FBXL17: variants seen among roughly 807,000 people sequenced by gnomAD.
FBXL17 encodes the protein F-box and leucine rich repeat protein 17.
In FBXL17, 22 loss-of-function variants were observed where a neutral mutation model predicts 66.2. That is an observed-to-expected ratio of 0.33 (90% CI 0.24 to 0.47). FBXL17 has a LOEUF of 0.47. Ranked by LOEUF, FBXL17 falls within the 20% of genes least tolerant of loss-of-function variation. FBXL17 has a pLI of 1.00. For missense variants in FBXL17, 878 were observed against 948.2 expected (o/e 0.93, Z 0.97); for synonymous variants, 474 against 400.5 (o/e 1.18, Z -2.19).
chr5:108,130,493 T>C (rs1181504608), intron 6 of FBXL17, among the ~76,000 whole-genome samples: 1 of 151,940 alleles, frequency 6.6e-6, no homozygotes, highest in Non-Finnish European at 1.5e-5. Flanking sequence ...TCAGTTTAAA[T>C]GAATAAAGAA....
intron 6 of FBXL17, among the ~76,000 whole-genome samples, chr5:108,075,259 T>C (rs903332112): frequency 6.6e-6 from 1 of 152,202 alleles, no homozygotes; most frequent in African/African-American, 2.4e-5. Context: ...TACAAAACCC[T>C]ATGGTAAATT....
chr5:108,272,247 C>T (rs1253993243), intron 4 of FBXL17, among the ~76,000 whole-genome samples: 5 of 151,852 alleles, frequency 3.3e-5, no homozygotes, highest in Admixed American at 2.0e-4. Flanking sequence ...CCCGAGATCG[C>T]GCCACCGCAC....
chr5:108,240,383 G>T (rs998880831), intron 4 of FBXL17, among the ~76,000 whole-genome samples: 16 of 152,034 alleles, frequency 1.1e-4, no homozygotes, highest in Admixed American at 2.0e-4. Context: ...TGACTAAAGA[G>T]CCTTTGGTCC....
intron 6 of FBXL17, among the ~76,000 whole-genome samples, chr5:108,173,838 G>T (rs1752695510): frequency 6.6e-6 from 1 of 152,138 alleles, no homozygotes; most frequent in Non-Finnish European, 1.5e-5. Context: ...TTCAGCTGAG[G>T]ATGTGCTACA....
chr5:108,274,959 G>T (rs914267023), intron 4 of FBXL17, among the ~76,000 whole-genome samples: 3 of 152,122 alleles, frequency 2.0e-5, no homozygotes, highest in African/African-American at 7.2e-5. Flanking sequence ...CTGGAGAGCA[G>T]AGAGGTTAAC....
chr5:108,074,347 G>T, intron 6 of FBXL17, among the ~76,000 whole-genome samples: 1 of 148,604 alleles, frequency 6.7e-6, no homozygotes, highest in East Asian at 2.0e-4. Context: ...TCTACAGTCA[G>T]AAGTCAGCTT....
intron 4 of FBXL17, among the ~76,000 whole-genome samples, chr5:108,280,068 G>A (rs1303616202): frequency 6.6e-6 from 1 of 152,090 alleles, no homozygotes; most frequent in Non-Finnish European, 1.5e-5. Context: ...AGTAATAATT[G>A]AAAACTTCCC....
At chr5:108,323,415 C>A (rs1331481760) in intron 4 of FBXL17, among the ~76,000 whole-genome samples, 1 of 151,754 alleles carries the variant, frequency 6.6e-6, no homozygotes, top group Non-Finnish European at 1.5e-5. Flanking sequence ...GACTTATACA[C>A]TGAAAATTAC....
intron 6 of FBXL17, among the ~76,000 whole-genome samples, chr5:108,087,201 C>T (rs1353754825): frequency 6.6e-6 from 1 of 152,118 alleles, no homozygotes; most frequent in Non-Finnish European, 1.5e-5. Context: ...CGAGTTGTTG[C>T]TTTTGTTACT....
intron 6 of FBXL17, among the ~76,000 whole-genome samples, chr5:108,110,225 TG>T (rs1749977144): frequency 6.6e-6 from 1 of 152,162 alleles, no homozygotes; most frequent in Non-Finnish European, 1.5e-5. Context: ...AAGCAGAACC[TG>T]AGCATAATTT....
At chr5:107,986,046 T>C (rs1215227498) in intron 7 of FBXL17, among the ~76,000 whole-genome samples, 1 of 152,090 alleles carries the variant, frequency 6.6e-6, no homozygotes, top group African/African-American at 2.4e-5. Context: ...ATAATAATAT[T>C]ATATGTGGTT....
chr5:108,093,910 T>C (rs1043227744), intron 6 of FBXL17, among the ~76,000 whole-genome samples: 1 of 152,180 alleles, frequency 6.6e-6, no homozygotes, highest in African/African-American at 2.4e-5. Flanking sequence ...AAACCACAGA[T>C]TCAGGATGTT....
At chr5:107,871,646 G>A (rs571830876) in intron 8 of FBXL17, among the ~76,000 whole-genome samples, 2 of 151,440 alleles carry the variant, frequency 1.3e-5, no homozygotes, top group Non-Finnish European at 2.9e-5. Context: ...GTGTGGTGCA[G>A]ATGAGAACCA....
At chr5:108,347,941 A>T (rs1303726957) in intron 4 of FBXL17, among the ~76,000 whole-genome samples, 1 of 152,176 alleles carries the variant, frequency 6.6e-6, no homozygotes, top group Non-Finnish European at 1.5e-5. Flanking sequence ...TTGCCCTATT[A>T]TATGCTCTAA....
At chr5:108,299,067 C>A in intron 4 of FBXL17, 1 of 976,652 alleles carries the variant, frequency 1.0e-6, no homozygotes, top group Non-Finnish European at 1.2e-6. Flanking sequence ...AACAAAAAAG[C>A]CCCAAATGTT....
At chr5:107,930,451 C>T (rs1750692180) in intron 7 of FBXL17, among the ~76,000 whole-genome samples, 1 of 152,190 alleles carries the variant, frequency 6.6e-6, no homozygotes, top group Admixed American at 6.5e-5. Flanking sequence ...AATGTTAGGC[C>T]CCTAGCCTGT....
At chr5:107,998,393 C>T (rs1384595007) in intron 7 of FBXL17, among the ~76,000 whole-genome samples, 6 of 152,122 alleles carry the variant, frequency 3.9e-5, no homozygotes, top group Non-Finnish European at 8.8e-5. Flanking sequence ...GGTTAAACTT[C>T]ATTAAGAATT....
At position 108,292,715 on chromosome 5, in the gene FBXL17, T is replaced by C. The variant is rs1252340134; in HGVS notation, c.1506+55684A>G. Among the ~76,000 whole-genome samples, 9 of 152,190 alleles carry C rather than the reference T, an allele frequency of 5.9e-5. No individual in the cohort carries two copies. In the South Asian group the frequency reaches 1.9e-3, roughly 31 times the overall value. On this transcript the variant is annotated intron_variant, in intron 4 of 8. Coordinates refer to ENST00000542267, the MANE Select transcript of FBXL17 (RefSeq NM_001163315.3). ...AGCACTTAGAACATCACATTTTAAT[T>C]CTCCATTAATGTCTTTCTCCTCCTA... is the stretch of plus-strand genomic sequence containing the variant.
intron 7 of FBXL17, among the ~76,000 whole-genome samples, chr5:108,015,106 G>T (rs1194044329): frequency 2.0e-5 from 3 of 152,162 alleles, no homozygotes; most frequent in Non-Finnish European, 4.4e-5. Flanking sequence ...CTAAGAAAAA[G>T]AACATAACAC....
Sources: gnomAD v4.1 joint callset for allele counts (sites outside exome capture counted in the v4.1 genomes callset) on GRCh38, gnomAD v4.1.1 for gene constraint, MANE v1.5 for transcripts, NCBI Gene and HGNC (gene_info 2026-07-23, HGNC 2026-07-21) for gene names.